RBMS3: variants seen among roughly 807,000 people sequenced by gnomAD.
RBMS3 encodes the protein RNA binding motif single stranded interacting protein 3.
A neutral mutation model predicts 66.8 loss-of-function variants in RBMS3; 27 were observed. The observed-to-expected ratio is 0.40, with a 90% confidence interval of 0.30 to 0.56. The LOEUF is 0.56. Among genes scored for constraint, RBMS3 ranks in the 20% least tolerant of loss-of-function variants. RBMS3 has a pLI of 0.40. For missense variants in RBMS3, 513 were observed against 549.5 expected, an observed-to-expected ratio of 0.93 and a Z score of 0.66; for synonymous variants, 188 against 183.0, an observed-to-expected ratio of 1.03 and a Z score of -0.22.
At chr3:29,331,066 AG>A (rs1305469953) in intron 1 of RBMS3, among the ~76,000 whole-genome samples, 1 of 152,096 alleles carries the variant, frequency 6.6e-6, no homozygotes, top group Non-Finnish European at 1.5e-5. Context: ...CATTTCCTAG[AG>A]GGTGCAGTCC....
At chr3:29,415,146 C>T (rs1298893289) in intron 1 of RBMS3, among the ~76,000 whole-genome samples, 1 of 152,084 alleles carries the variant, frequency 6.6e-6, no homozygotes, top group Non-Finnish European at 1.5e-5. Context: ...CATTTCTGCC[C>T]ATTGAGATGA....
intron 6 of RBMS3, chr3:29,766,592 C>A (rs1041384630): frequency 1.3e-5 from 2 of 151,900 alleles, no homozygotes; most frequent in Non-Finnish European, 2.9e-5. Context: ...TTTCTCTGGG[C>A]TCCTCCTATT....
In RBMS3 at chr3:29,410,910, C is replaced by T. The variant is rs534384068; in HGVS notation, c.76-23833C>T. On this transcript the variant is annotated intron_variant, in intron 1 of 14. Transcript: ENST00000383767. ...AGGGGCACGGTGATATTTTGGCAAG[C>T]TTGCCTATTAAGGACATTTGCTGGA... is the stretch of plus-strand genomic sequence containing the variant. Among the ~76,000 whole-genome samples the T allele has an allele frequency of 2.0e-5, 3 of 150,086 alleles. No homozygotes were observed. The South Asian group carries it at 6.4e-4, about 32-fold the overall frequency.
chr3:29,786,466 A>G (rs1036104899), intron 6 of RBMS3, among the ~76,000 whole-genome samples: 1 of 152,232 alleles, frequency 6.6e-6, no homozygotes, highest in African/African-American at 2.4e-5. Context: ...CATAGTCACA[A>G]AAACAGCATG....
In RBMS3 at chr3:29,853,297, CT is replaced by C. The variant is rs561862309; in HGVS notation, c.638-15560del. On this transcript the variant is annotated intron_variant, in intron 6 of 14. Coordinates refer to ENST00000383767, the MANE Select transcript of RBMS3 (RefSeq NM_001003793.3). ...ATGTAACAAAGCTGCACATGTACCCCTGACCTTAAAATAAAAATTAAATTTA... is the reference window on the plus strand; with the variant it reads ...ATGTAACAAAGCTGCACATGTACCCCGACCTTAAAATAAAAATTAAATTTA... Among the ~76,000 whole-genome samples the C allele has an allele frequency of 8.5e-5, 13 of 152,202 alleles. No individual in the cohort carries two copies. In the South Asian group the frequency reaches 1.0e-3, roughly 12 times the overall value.
rs201685342 is a variant in RBMS3 at position 30,010,074 on chromosome 3, TAAAA to T, written c.*6220_*6223del. 1 of 145,352 alleles carries T rather than the reference TAAAA, an allele frequency of 6.9e-6. No individual in the cohort carries two copies. The highest frequency in any genetic ancestry group is 1.5e-5 in the Non-Finnish European group (1 of 65,516). 9.0% of individuals were successfully genotyped at this position (145,352 alleles called of 1,614,324 possible). A position where few individuals can be genotyped will look rare whatever the true frequency, so the allele number is the denominator to read the frequency against. Reference sequence around the variant, plus strand: ...TCTGCTATGAGATATTCAGTCTCTATAAAAAAAAAAAGGGACACAGCTTCTTTTA... The same window carrying T: ...TCTGCTATGAGATATTCAGTCTCTATAAAAAAAGGGACACAGCTTCTTTTA... On this transcript the variant is annotated 3_prime_UTR_variant, in exon 15 of 15. Coordinates refer to ENST00000383767, the MANE Select transcript of RBMS3 (RefSeq NM_001003793.3).
chr3:29,850,366 A>G (rs959606443), intron 6 of RBMS3, among the ~76,000 whole-genome samples: 2 of 152,222 alleles, frequency 1.3e-5, no homozygotes, highest in Non-Finnish European at 2.9e-5. Context: ...TTGAGGTTAC[A>G]TAACCTTCAA....
intron 10 of RBMS3, among the ~76,000 whole-genome samples, chr3:29,904,501 T>C (rs542410998): frequency 6.6e-6 from 1 of 152,092 alleles, no homozygotes; most frequent in Admixed American, 6.6e-5. Flanking sequence ...TCTATATCAA[T>C]TTTGCTAACA....
intron 1 of RBMS3, among the ~76,000 whole-genome samples, chr3:29,386,379 T>A (rs2039009000): frequency 6.6e-6 from 1 of 152,046 alleles, no homozygotes; most frequent in South Asian, 2.1e-4. Flanking sequence ...TACTATTTCA[T>A]TAAAAACAGA....
chr3:29,520,075 A>C (rs1295601047), intron 3 of RBMS3, among the ~76,000 whole-genome samples: 6 of 152,192 alleles, frequency 3.9e-5, no homozygotes, highest in Admixed American at 3.9e-4. Context: ...TATTTGCTAA[A>C]TCTGGCAACC....
chr3:29,895,561 T>C (rs2149599851), intron 8 of RBMS3, among the ~76,000 whole-genome samples: 1 of 151,644 alleles, frequency 6.6e-6, no homozygotes, highest in Middle Eastern at 3.4e-3. Flanking sequence ...TCATGTTGAA[T>C]GTTTCAGTAG....
chr3:29,665,022 A>C (rs116354415), intron 4 of RBMS3, among the ~76,000 whole-genome samples: 1 of 152,214 alleles, frequency 6.6e-6, no homozygotes, highest in Non-Finnish European at 1.5e-5. Context: ...CTTATGAAGA[A>C]TAATGTTTAG....
intron 14 of RBMS3, among the ~76,000 whole-genome samples, chr3:29,996,691 G>A (rs1231857755): frequency 3.3e-5 from 5 of 152,020 alleles, no homozygotes; most frequent in African/African-American, 1.2e-4. Flanking sequence ...CGAAATGAAG[G>A]CAGAAATAAA....
At chr3:29,409,419 A>T (rs1344376211) in intron 1 of RBMS3, among the ~76,000 whole-genome samples, 1 of 152,152 alleles carries the variant, frequency 6.6e-6, no homozygotes, top group African/African-American at 2.4e-5. Flanking sequence ...GAAATGACAT[A>T]TGTTTCAGCC....
intron 1 of RBMS3, among the ~76,000 whole-genome samples, chr3:29,388,456 A>G (rs997776315): frequency 6.6e-6 from 1 of 152,192 alleles, no homozygotes; most frequent in Non-Finnish European, 1.5e-5. Context: ...ACTGCACTAT[A>G]AAACCCAAGT....
intron 1 of RBMS3, among the ~76,000 whole-genome samples, chr3:29,427,655 G>A (rs1014508592): frequency 1.3e-5 from 2 of 152,206 alleles, no homozygotes; most frequent in East Asian, 3.9e-4. Context: ...TGGCATGTCA[G>A]TCCCTTGGGA....
chr3:29,688,564 A>ATTT (rs55943638), intron 4 of RBMS3, among the ~76,000 whole-genome samples: 15 of 67,130 alleles, frequency 2.2e-4, no homozygotes, highest in African/African-American at 5.4e-4. Flanking sequence ...AAGTTACAGG[A>ATTT]TTTTTTTTTT....
At chr3:29,531,333 C>T (rs1256492505) in intron 3 of RBMS3, among the ~76,000 whole-genome samples, 7 of 152,292 alleles carry the variant, frequency 4.6e-5, no homozygotes, top group African/African-American at 1.2e-4. Flanking sequence ...TGAGAAGGAC[C>T]GTTGTAGTCA....
intron 6 of RBMS3, chr3:29,797,688 G>A (rs1390343496): frequency 6.6e-6 from 1 of 152,144 alleles, no homozygotes; most frequent in East Asian, 1.9e-4. Context: ...TTAAAGCTGT[G>A]AGGGTATTTA....
Sources: gnomAD v4.1 joint callset for allele counts (sites outside exome capture counted in the v4.1 genomes callset) on GRCh38, gnomAD v4.1.1 for gene constraint, MANE v1.5 for transcripts, NCBI Gene and HGNC (gene_info 2026-07-23, HGNC 2026-07-21) for gene names.